The following SLC26A9 variants were observed in gnomAD, a reference collection of about 807,000 sequenced individuals.
The protein encoded by SLC26A9 is anion transporter/exchanger protein 9.
Under a neutral mutation model 87.1 loss-of-function variants are expected in SLC26A9, and 46 were observed. The observed-to-expected ratio is 0.53, with a 90% CI of 0.42 to 0.67. The LOEUF (loss-of-function observed/expected upper bound fraction) is 0.67. Ranked by LOEUF, SLC26A9 falls within the 30% of genes least tolerant of loss-of-function variation. The probability of loss-of-function intolerance (pLI) is 0.00; values close to 1 mark genes in which losing one functional copy is unlikely to be tolerated. For missense variants in SLC26A9, 927 were observed against 1,018.3 expected (o/e 0.91, Z 1.22); for synonymous variants, 437 against 409.1 (o/e 1.07, Z -0.82).
At position 205,942,796 on chromosome 1, in the gene SLC26A9, C is replaced by T. The variant is rs572020502; in HGVS notation, c.-19+569G>A. Among the ~76,000 whole-genome samples, 8 of 152,332 alleles carry T rather than the reference C, an allele frequency of 5.3e-5. No individual in the cohort carries two copies. In the South Asian group the frequency reaches 1.7e-3, roughly 32 times the overall value. On this transcript the variant is annotated intron_variant, in intron 1 of 20. Coordinates refer to ENST00000367135, the MANE Select transcript of SLC26A9 (RefSeq NM_052934.4). ...ACCCTCTCCCACTCCTCAGTTTCCT[C>T]CCCCTCCACCTCTTCCAACTTCTCA...
rs201603013 is a variant in SLC26A9, at chr1:205,921,520, C to A, written c.2055+46G>T. 2.1e-4 allele frequency: 325 copies of A among 1,575,996 alleles called. 1 individual carries two copies. In the African/African-American group the frequency reaches 4.0e-3, roughly 20 times the overall value. On this transcript the variant is annotated intron_variant, in intron 17 of 20. Coordinates refer to ENST00000367135, the MANE Select transcript of SLC26A9 (RefSeq NM_052934.4). ...AGGAAAGGGAATGTGGAGAGCAGAGCGGAGGGGGTGGAGTGGGTGGTGCTT... is the reference window on the plus strand; with the variant it reads ...AGGAAAGGGAATGTGGAGAGCAGAGAGGAGGGGGTGGAGTGGGTGGTGCTT...
In SLC26A9 at chr1:205,921,683, G is replaced by A. The variant is rs369674517; in HGVS notation, c.1938C>T (p.Pro646=). The change falls in exon 17 of 21, where the codon CCC becomes CCT. Residue 646 remains proline (P), a synonymous_variant. Transcript: ENST00000367135. ...QSEPPASAEA[P]GEPSDMLASV... ...TGGCCAGCATGTCACTGGGCTCGCC[G>A]GGGGCCTCAGCGGAGGCTGGTGGCT... is the stretch of plus-strand genomic sequence containing the variant. The A allele has an allele frequency of 1.2e-4, 187 of 1,596,248 alleles. No homozygotes were observed. Among genetic ancestry groups the A allele is most frequent in the Non-Finnish European group, 1.5e-4 (173 of 1,171,580 alleles).
At position 205,929,896 on chromosome 1, in the gene SLC26A9, A is replaced by G. The variant is rs1244171840; in HGVS notation, c.713T>C (p.Val238Ala). 2.5e-6 allele frequency: 4 copies of G among 1,591,384 alleles called. No homozygotes were observed. Among genetic ancestry groups the G allele is most frequent in the Non-Finnish European group, 3.4e-6 (4 of 1,161,872 alleles). ...IPSYTGPGSI[V>A]FTFIDICKNL... is the part of the protein sequence containing the mutation. ...GGGGTGCATCCCCAGACTCACAAAG[A>G]CGATGGACCCTGGGCCTGTGTAGGA... The change falls in exon 6 of 21, where the codon GTC (valine) becomes GCC (alanine). Residue 238 changes from valine to alanine, a missense_variant. Transcript: ENST00000367135.
At chr1:205,919,924 G>T (rs145957646) in intron 18 of SLC26A9, among the ~76,000 whole-genome samples, 1 of 152,242 alleles carries the variant, frequency 6.6e-6, no homozygotes, top group East Asian at 1.9e-4. Context: ...GGGTAGATTA[G>T]AATCCTAGCT....
At chr1:205,917,172 T>G in intron 20 of SLC26A9, 111 bp downstream of exon 20, 1 of 904,106 alleles carries the variant, frequency 1.1e-6, no homozygotes, top group South Asian at 1.7e-5. Context: ...TGAATGTGAC[T>G]GCTCTGGGCT....
At chr1:205,934,740 GT>G (rs1659440914) in intron 2 of SLC26A9, among the ~76,000 whole-genome samples, 1 of 152,140 alleles carries the variant, frequency 6.6e-6, no homozygotes, top group Admixed American at 6.5e-5. Flanking sequence ...CTCAGACTTT[GT>G]GCCCTAAAGT....
intron 19 of SLC26A9, among the ~76,000 whole-genome samples, chr1:205,918,410 C>A (rs973469365): frequency 6.6e-6 from 1 of 152,160 alleles, no homozygotes; most frequent in Non-Finnish European, 1.5e-5. Context: ...AATCTCTAAG[C>A]TCCGGTAAGT....
At position 205,914,675 on chromosome 1, in the gene SLC26A9, T is replaced by A. The variant is rs1658499645; in HGVS notation, c.*682A>T. 4 of 541,672 alleles carry A rather than the reference T, an allele frequency of 7.4e-6. No homozygotes were observed. Among genetic ancestry groups the A allele is most frequent in the Non-Finnish European group, 9.5e-6 (3 of 314,974 alleles). The allele number at this position is 541,672 out of a possible 1,614,324, so 33.6% of individuals were successfully genotyped here. A position where few individuals can be genotyped will look rare whatever the true frequency, so the allele number is the denominator to read the frequency against. ...GTCCCCGGGGAGGTAGCTCTGGTGG[T>A]CTCGACGGTCCTGGCCACTGTCCAG... On this transcript the variant is annotated 3_prime_UTR_variant, in exon 21 of 21. Transcript: ENST00000367135.
intron 16 of SLC26A9, among the ~76,000 whole-genome samples, chr1:205,922,219 CT>C (rs1658870257): frequency 6.6e-6 from 1 of 152,202 alleles, no homozygotes; most frequent in African/African-American, 2.4e-5. Context: ...TCACTGCAAC[CT>C]CTGCCTCCCG....
At chr1:205,936,601 C>G (rs547723355) in intron 1 of SLC26A9, among the ~76,000 whole-genome samples, 3 of 152,054 alleles carry the variant, frequency 2.0e-5, no homozygotes, top group Non-Finnish European at 4.4e-5. Flanking sequence ...CCTGTAGGAA[C>G]CTTTCCCCCT....
intron 8 of SLC26A9, chr1:205,928,521 C>A (rs1377365024): frequency 4.2e-6 from 2 of 477,314 alleles, no homozygotes; most frequent in African/African-American, 2.0e-5. Context: ...GACAAAGAAC[C>A]AATGCATTAG....
In SLC26A9 at chr1:205,926,509, G is replaced by A. The variant is rs750971482; in HGVS notation, c.1389+26C>T. The A allele has an allele frequency of 1.2e-4, 185 of 1,597,690 alleles. 1 individual carries two copies. The East Asian group carries it at 4.1e-3, about 35-fold the overall frequency. On this transcript the variant is annotated intron_variant, in intron 12 of 20. Transcript: ENST00000367135. ...GGAGGAGAGGGCAGGGGCATGGCCA[G>A]TACCCAGAGGCTGCCCGATACTTAC...
At chr1:205,919,419 G>A (rs1293015256) in intron 18 of SLC26A9, among the ~76,000 whole-genome samples, 4 of 152,162 alleles carry the variant, frequency 2.6e-5, no homozygotes, top group South Asian at 2.1e-4. Context: ...GTCCAGTGAG[G>A]TTGGGGAGAA....
chr1:205,915,427 G>A (rs2102567266), intron 20 of SLC26A9, 23 bp from the exon 21 acceptor site: 1 of 1,613,876 alleles, frequency 6.2e-7, no homozygotes, highest in Non-Finnish European at 8.5e-7. Context: ...CAGGAAGGAA[G>A]TGGGAGGGGA....
chr1:205,935,873 A>C (rs1192969880), intron 1 of SLC26A9, 35 bp from the exon 2 acceptor site: 1 of 1,587,370 alleles, frequency 6.3e-7, no homozygotes, highest in Non-Finnish European at 8.6e-7. Context: ...GGGTGAGGGA[A>C]CATCCCTCCC....
chr1:205,915,322 G>A lies in SLC26A9; in HGVS notation c.*35C>T. 1.2e-6 allele frequency: 2 copies of A among 1,613,796 alleles called. No homozygotes were observed. Among genetic ancestry groups the A allele is most frequent in the Non-Finnish European group, 8.5e-7 (1 of 1,179,836 alleles). ...CCTTTATGGAAGTCCCAAGTGCCAG[G>A]CACTCTGTAGGCAGCATGAGGACTG... On this transcript the variant is annotated 3_prime_UTR_variant, in exon 21 of 21. Coordinates refer to ENST00000367135, the MANE Select transcript of SLC26A9 (RefSeq NM_052934.4).
intron 19 of SLC26A9, among the ~76,000 whole-genome samples, chr1:205,917,880 G>A (rs184409225): frequency 4.1e-4 from 62 of 152,210 alleles, no homozygotes; most frequent in Admixed American, 3.3e-3. Context: ...CATGATTAGG[G>A]CACTAACAAC....
chr1:205,921,912 T>A (rs1658853416), intron 16 of SLC26A9, 65 bp from the exon 17 acceptor site: 4 of 1,542,166 alleles, frequency 2.6e-6, no homozygotes, highest in Admixed American at 1.9e-5. Flanking sequence ...TTGCTGTGAC[T>A]GAAGCAGGGG....
Position 205,913,868 on chromosome 1 carries a change from C to A in SLC26A9, c.*1489G>T, listed in dbSNP as rs528982953. The A allele has an allele frequency of 4.6e-5, 7 of 152,280 alleles. No individual in the cohort carries two copies. Among genetic ancestry groups the A allele is most frequent in the Admixed American group, 3.9e-4 (6 of 15,284 alleles). The allele number at this position is 152,280 out of a possible 1,614,324, so 9.4% of individuals were successfully genotyped here. ...GCTCACTCAACACACAGACACACAA[C>A]GCAGGTCTGGCTGAAGTTAGAAATG... On this transcript the variant is annotated 3_prime_UTR_variant, in exon 21 of 21. Coordinates refer to ENST00000367135, the MANE Select transcript of SLC26A9 (RefSeq NM_052934.4).
Sources: gnomAD v4.1 joint callset for allele counts (sites outside exome capture counted in the v4.1 genomes callset) on GRCh38, gnomAD v4.1.1 for gene constraint, MANE v1.5 for transcripts, NCBI Gene and HGNC (gene_info 2026-07-23, HGNC 2026-07-21) for gene names.